C6orf132: variants seen among roughly 807,000 people sequenced by gnomAD.
C6orf132 encodes chromosome 6 open reading frame 132.
Under a neutral mutation model 65.3 loss-of-function variants are expected in C6orf132, and 43 were observed. The observed-to-expected ratio is 0.66, with a 90% CI of 0.52 to 0.85. The LOEUF is 0.85. Among genes scored for constraint, C6orf132 ranks in the 40% least tolerant of loss-of-function variants. The pLI is 0.00. For missense variants in C6orf132, 1,488 were observed against 1,548.8 expected, an observed-to-expected ratio of 0.96 and a Z score of 0.66; for synonymous variants, 631 against 654.1, an observed-to-expected ratio of 0.96 and a Z score of 0.54.
intron 1 of C6orf132, among the ~76,000 whole-genome samples, chr6:42,136,773 G>A (rs1427642422): frequency 6.6e-6 from 1 of 152,206 alleles, no homozygotes; most frequent in Non-Finnish European, 1.5e-5. Context: ...CCAGAGAGAG[G>A]CCTTTGTCCA....
intron 3 of C6orf132, among the ~76,000 whole-genome samples, 180 bp from the exon 4 acceptor site, chr6:42,107,763 C>A (rs992987722): frequency 6.6e-6 from 1 of 152,134 alleles, no homozygotes; most frequent in Non-Finnish European, 1.5e-5. Context: ...CTGGGGGTGT[C>A]CCCCCTTCTT....
At position 42,132,099 on chromosome 6, in the gene C6orf132, A is replaced by G. The variant is rs142604516; in HGVS notation, c.146-3321T>C. On this transcript the variant is annotated intron_variant, in intron 1 of 4. Transcript: ENST00000341865. ...CTGCCTCTAGCAGCCAGAACAGGCAAGGAAACAGACTCTCCTGGAGCCTCC... is the reference window on the plus strand; with the variant it reads ...CTGCCTCTAGCAGCCAGAACAGGCAGGGAAACAGACTCTCCTGGAGCCTCC... Among the ~76,000 whole-genome samples, 349 of 152,366 alleles carry G rather than the reference A, an allele frequency of 2.3e-3. 3 individuals carry two copies. Among genetic ancestry groups the G allele is most frequent in the African/African-American group, 7.8e-3 (323 of 41,592 alleles).
intron 1 of C6orf132, among the ~76,000 whole-genome samples, chr6:42,138,138 A>AATTC (rs1766977786): frequency 6.6e-6 from 1 of 152,116 alleles, no homozygotes; most frequent in African/African-American, 2.4e-5. Context: ...ATTTGAAATT[A>AATTC]ATTAAATTAA....
intron 2 of C6orf132, chr6:42,126,253 G>C (rs1196462718): frequency 6.6e-6 from 1 of 151,658 alleles, no homozygotes; most frequent in East Asian, 2.0e-4. Context: ...GCTAATTTTT[G>C]TATTTTTAGT....
chr6:42,107,629 T>G lies in C6orf132; in HGVS notation c.329-46A>C, dbSNP rs1179773633. ...GATGGGGGGCAGGAACAAGGCAGAC[T>G]AGCCCTGCCAATTTCTGTTTACCCA... On this transcript the variant is annotated intron_variant, in intron 3 of 4. Coordinates refer to ENST00000341865, the MANE Select transcript of C6orf132 (RefSeq NM_001164446.3). 4 of 1,549,434 alleles carry G rather than the reference T, an allele frequency of 2.6e-6. No homozygotes were observed. The African/African-American group carries it at 5.5e-5, about 21-fold the overall frequency.
rs34668328 is a variant in C6orf132, at chr6:42,134,774, C to CAA, written c.146-5998_146-5997dup. Among the ~76,000 whole-genome samples, 179 of 83,592 alleles carry CAA rather than the reference C, an allele frequency of 2.1e-3. 2 individuals carry two copies. Among genetic ancestry groups the CAA allele is most frequent in the Non-Finnish European group, 3.7e-3 (151 of 40,964 alleles). The allele number at this position is 83,592 out of a possible 152,430, so 54.8% of individuals were successfully genotyped here. On this transcript the variant is annotated intron_variant, in intron 1 of 4. Coordinates refer to ENST00000341865, the MANE Select transcript of C6orf132 (RefSeq NM_001164446.3). ...GGGTGACAAGAGCGAAACTCCATCTCAAAAAAAAAAAAAAAAAGACCAGCC... is the reference window on the plus strand; with the variant it reads ...GGGTGACAAGAGCGAAACTCCATCTCAAAAAAAAAAAAAAAAAAAGACCAGCC...
intron 2 of C6orf132, among the ~76,000 whole-genome samples, chr6:42,118,516 T>G (rs1162987361): frequency 1.3e-5 from 2 of 151,870 alleles, no homozygotes; most frequent in Non-Finnish European, 2.9e-5. Context: ...GGGAGTGGAG[T>G]GCATGGCCCT....
intron 4 of C6orf132, 69 bp from the exon 5 acceptor site, chr6:42,103,947 G>T: frequency 9.6e-7 from 1 of 1,044,832 alleles, no homozygotes; most frequent in Non-Finnish European, 1.3e-6. Context: ...TCATCTCCCC[G>T]AGGGACCGAG....
chr6:42,141,438 C>T (rs1291232838), intron 1 of C6orf132, among the ~76,000 whole-genome samples: 1 of 152,176 alleles, frequency 6.6e-6, no homozygotes, highest in African/African-American at 2.4e-5. Flanking sequence ...TGTCTCCAGC[C>T]GCTGGCTTCC....
rs903187265 is a variant in C6orf132 at position 42,106,132 on chromosome 6, G to C, written c.1780C>G (p.Arg594Gly). 2 of 1,537,120 alleles carry C rather than the reference G, an allele frequency of 1.3e-6. No individual in the cohort carries two copies. Among genetic ancestry groups the C allele is most frequent in the African/African-American group, 2.7e-5 (2 of 73,038 alleles). ...PSIGSLPPKPRLEGGRICENG... is the reference protein window; with the variant it reads ...PSIGSLPPKPGLEGGRICENG... Reference sequence around the variant, plus strand: ...TCACAAATTCTTCCCCCTTCTAGCCGAGGCTTAGGGGGCAGAGATCCTATG... The same window carrying C: ...TCACAAATTCTTCCCCCTTCTAGCCCAGGCTTAGGGGGCAGAGATCCTATG... Residue 594 changes from arginine (R) to glycine (G), a missense_variant, in exon 4 of 5, where the codon CGG becomes GGG. Transcript: ENST00000341865.
At chr6:42,136,979 C>A (rs558552792) in intron 1 of C6orf132, among the ~76,000 whole-genome samples, 58 of 152,288 alleles carry the variant, frequency 3.8e-4, no homozygotes, top group African/African-American at 9.4e-4. Context: ...AGTGTGCAGA[C>A]CCCAGAACTT....
At chr6:42,137,528 G>C (rs908879246) in intron 1 of C6orf132, among the ~76,000 whole-genome samples, 3 of 152,038 alleles carry the variant, frequency 2.0e-5, no homozygotes, top group Non-Finnish European at 4.4e-5. Context: ...GAGACCCAGG[G>C]AACAGGAACA....
chr6:42,104,396 A>C lies in C6orf132; in HGVS notation c.3449+67T>G, dbSNP rs115243226. ...TGTTTTCTCTTGACGGATGGCCGGG[A>C]CTCCTTGGCCCTCGCCTGGCTTTCC... On this transcript the variant is annotated intron_variant, in intron 4 of 4. Coordinates refer to ENST00000341865, the MANE Select transcript of C6orf132 (RefSeq NM_001164446.3). This position sits in a 1 kb window ranked among gnomAD's most constrained non-coding sequence, Gnocchi z 4.1. 4,031 of 1,226,736 alleles carry C rather than the reference A, an allele frequency of 3.3e-3. 112 individuals carry two copies. In the African/African-American group the frequency reaches 0.057, roughly 17 times the overall value. 76.0% of individuals were successfully genotyped at this position (1,226,736 alleles called of 1,614,324 possible). A position where few individuals can be genotyped will look rare whatever the true frequency, so the allele number is the denominator to read the frequency against.
intron 1 of C6orf132, among the ~76,000 whole-genome samples, chr6:42,129,269 A>G (rs1328362410): frequency 6.6e-6 from 1 of 152,204 alleles, no homozygotes; most frequent in Non-Finnish European, 1.5e-5. Context: ...TCCCTAACTC[A>G]AGATTTCCCT....
chr6:42,106,122 C>T lies in C6orf132; in HGVS notation c.1790G>A (p.Gly597Glu). ...GSLPPKPRLEGGRICENGADD... is the reference protein window; with the variant it reads ...GSLPPKPRLEEGRICENGADD... ...AGCCCCGTTTTCACAAATTCTTCCCCCTTCTAGCCGAGGCTTAGGGGGCAG... is the reference window on the plus strand; with the variant it reads ...AGCCCCGTTTTCACAAATTCTTCCCTCTTCTAGCCGAGGCTTAGGGGGCAG... The change falls in exon 4 of 5, where the codon GGG becomes GAG. Residue 597 changes from glycine (G) to glutamate (E), a missense_variant. By Grantham distance (98) the Gly-to-Glu change is moderately conservative. Coordinates refer to ENST00000341865, the MANE Select transcript of C6orf132 (RefSeq NM_001164446.3). The T allele has an allele frequency of 3.3e-6, 5 of 1,537,252 alleles. No homozygotes were observed. The highest frequency in any genetic ancestry group is 3.5e-6 in the Non-Finnish European group (4 of 1,146,918).
intron 2 of C6orf132, among the ~76,000 whole-genome samples, chr6:42,123,934 A>G (rs1766728788): frequency 6.6e-6 from 1 of 152,198 alleles, no homozygotes; most frequent in African/African-American, 2.4e-5. Context: ...CTCCCTTTCC[A>G]GAGGCGGAAG....
intron 1 of C6orf132, 36 bp downstream of exon 1, chr6:42,142,264 C>G: frequency 6.5e-7 from 1 of 1,540,522 alleles, no homozygotes; most frequent in Non-Finnish European, 8.8e-7. Context: ...CGCCCTCCGT[C>G]CCCGCCCCAG....
rs58496089 is a variant in C6orf132, at chr6:42,102,221, C to CTTTTTTTTTTT, written c.*1529_*1539dup. ...CCCTACTGATAGGTCTCCCCTGCTC[C>CTTTTTTTTTTT]TTTTTTTTTTTTTTTTTTTTTTTTT... On this transcript the variant is annotated 3_prime_UTR_variant, in exon 5 of 5. Transcript: ENST00000341865. 6.5e-5 allele frequency: 6 copies of CTTTTTTTTTTT among 92,180 alleles called. No homozygotes were observed. The highest frequency in any genetic ancestry group is 3.0e-4 in the East Asian group (1 of 3,346). The allele number at this position is 92,180 out of a possible 1,614,324, so 5.7% of individuals were successfully genotyped here. A position where few individuals can be genotyped will look rare whatever the true frequency, so the allele number is the denominator to read the frequency against.
rs1766374588 is a variant in C6orf132 at position 42,105,203 on chromosome 6, C to T, written c.2709G>A (p.Glu903=). 6.5e-7 allele frequency: 1 copy of T among 1,537,204 alleles called. No individual in the cohort carries two copies. The highest frequency in any genetic ancestry group is 1.4e-5 in the African/African-American group (1 of 73,156). Residue 903 remains glutamate, a synonymous_variant, in exon 4 of 5, where the codon GAG becomes GAA. Transcript: ENST00000341865. ...TTTCGGTCGTCAGCGGGGAGTCCTT[C>T]TCAGCCTCCTTGGGTAACTTGGGCA... is the stretch of plus-strand genomic sequence containing the variant. ...TVVPKLPKEA[E]KDSPLTTEIP... is the part of the protein sequence containing the mutation.
Sources: gnomAD v4.1 joint callset for allele counts (sites outside exome capture counted in the v4.1 genomes callset) on GRCh38, gnomAD v4.1.1 for gene constraint, Gnocchi (gnomAD v3.1) non-coding constraint, MANE v1.5 for transcripts, NCBI Gene and HGNC (gene_info 2026-07-23, HGNC 2026-07-21) for gene names.